NIBAN2: variants seen among roughly 807,000 people sequenced by gnomAD.
The protein encoded by NIBAN2 is protein Niban 2.
A neutral mutation model predicts 81.8 loss-of-function variants in NIBAN2; 36 were observed. That is an observed-to-expected ratio of 0.44 (90% CI 0.34 to 0.58). The LOEUF (loss-of-function observed/expected upper bound fraction) is 0.58, where lower values mean the gene tolerates loss of function less well. Among genes scored for constraint, NIBAN2 ranks in the 20% least tolerant of loss-of-function variants. The pLI is 0.02. For synonymous variants in NIBAN2, 445 were observed against 441.6 expected, an observed-to-expected ratio of 1.01 and a Z score of -0.10; for missense variants, 897 against 1,014.1, an observed-to-expected ratio of 0.88 and a Z score of 1.57.
chr9:127,578,387 C>T (rs1413206104), intron 1 of NIBAN2, among the ~76,000 whole-genome samples: 8 of 148,924 alleles, frequency 5.4e-5, no homozygotes, highest in Non-Finnish European at 8.9e-5. Context: ...AGTGGCCAGG[C>T]GCCATGGCTT....
In NIBAN2 at chr9:127,559,114, G is replaced by A. The variant is rs550296220; in HGVS notation, c.55+9706C>T. ...TACACTCTGGGAAACAAAGATCCAC[G>A]GGCTTTGTAACATGAGCCACAGCAC... On this transcript the variant is annotated intron_variant, in intron 1 of 13. Transcript: ENST00000373312. The surrounding 1 kb of genome is among the most constrained non-coding windows in gnomAD (Gnocchi z 4.0). Among the ~76,000 whole-genome samples, 11 of 152,324 alleles carry A rather than the reference G, an allele frequency of 7.2e-5. No homozygotes were observed. The highest frequency in any genetic ancestry group is 1.0e-4 in the Non-Finnish European group (7 of 68,020).
chr9:127,514,378 T>C (rs1836787868), intron 8 of NIBAN2, among the ~76,000 whole-genome samples: 3 of 152,014 alleles, frequency 2.0e-5, no homozygotes, highest in African/African-American at 4.8e-5. Context: ...CTATTACACA[T>C]TGCATGCCTG....
At chr9:127,512,852 G>T (rs1435070988) in intron 8 of NIBAN2, among the ~76,000 whole-genome samples, 1 of 152,172 alleles carries the variant, frequency 6.6e-6, no homozygotes, top group Non-Finnish European at 1.5e-5. Flanking sequence ...ACACAATCCA[G>T]CAATCCCACT....
intron 1 of NIBAN2, among the ~76,000 whole-genome samples, chr9:127,558,778 C>T (rs1231672284): frequency 6.6e-6 from 1 of 152,186 alleles, no homozygotes; most frequent in Non-Finnish European, 1.5e-5. Flanking sequence ...CCTCTAGATG[C>T]CTGAATCACC....
rs78633697 is a variant in NIBAN2, at chr9:127,552,184, C to G, written c.55+16636G>C. Among the ~76,000 whole-genome samples, 850 of 152,340 alleles carry G rather than the reference C, an allele frequency of 5.6e-3. 16 individuals are homozygous for G. The East Asian group carries it at 0.065, about 12-fold the overall frequency. On this transcript the variant is annotated intron_variant, in intron 1 of 13. Transcript: ENST00000373312. ...AGCACCCCCAGTCCCAGCACACAGC[C>G]TGACACTGAGCAGAGATGGCTCTCA...
chr9:127,529,940 C>T (rs190889566), intron 2 of NIBAN2, among the ~76,000 whole-genome samples: 1 of 152,260 alleles, frequency 6.6e-6, no homozygotes, highest in Non-Finnish European at 1.5e-5. Flanking sequence ...TATTTTTCTA[C>T]AAATAAATAT....
chr9:127,555,781 C>T (rs536055876), intron 1 of NIBAN2, among the ~76,000 whole-genome samples: 1 of 152,330 alleles, frequency 6.6e-6, no homozygotes, highest in East Asian at 1.9e-4. Flanking sequence ...GGAAGAGTGG[C>T]CATTTCTTTA....
chr9:127,507,509 G>A lies in NIBAN2; in HGVS notation c.1655-78C>T. The A allele has an allele frequency of 1.6e-6, 2 of 1,234,594 alleles. No homozygotes were observed. Among genetic ancestry groups the A allele is most frequent in the South Asian group, 1.7e-5 (1 of 60,288 alleles). The allele number at this position is 1,234,594 out of a possible 1,614,324, so 76.5% of individuals were successfully genotyped here. On this transcript the variant is annotated intron_variant, in intron 13 of 13. Coordinates refer to ENST00000373312, the MANE Select transcript of NIBAN2 (RefSeq NM_022833.4). The surrounding 1 kb of genome is among the most constrained non-coding windows in gnomAD (Gnocchi z 6.8). ...CCTGTGCTGGACTCTGCTCAAAGAA[G>A]ACCCGTCTCATCCCGCCTTGGGGGT... is the stretch of plus-strand genomic sequence containing the variant.
In NIBAN2 at chr9:127,516,969, G is replaced by GC. The variant is rs1564297935; in HGVS notation, c.860_861insG (p.Phe287LeufsTer22). ...GCTGCACCTTGGACAGCACCTCCTC[G>GC]AAGCGCGCCTTGGCCTGCTCGTACA... On this transcript the variant is annotated frameshift_variant, in exon 8 of 14. Coordinates refer to ENST00000373312, the MANE Select transcript of NIBAN2 (RefSeq NM_022833.4). LOFTEE classifies it high-confidence loss of function. 1 of 1,614,054 alleles carries GC rather than the reference G, an allele frequency of 6.2e-7. No homozygotes were observed. Among genetic ancestry groups the GC allele is most frequent in the East Asian group, 2.2e-5 (1 of 44,874 alleles).
At chr9:127,520,293 C>T (rs929334413) in intron 5 of NIBAN2, among the ~76,000 whole-genome samples, 6 of 141,366 alleles carry the variant, frequency 4.2e-5, no homozygotes, top group South Asian at 4.8e-4. Flanking sequence ...GGCTGGAGTT[C>T]AGTGGTGCAA....
chr9:127,521,776 G>A (rs1256960413), intron 5 of NIBAN2, among the ~76,000 whole-genome samples: 1 of 152,132 alleles, frequency 6.6e-6, no homozygotes, highest in East Asian at 1.9e-4. Flanking sequence ...CAGCTCTCCT[G>A]GGCCTCCCTC....
chr9:127,540,557 A>T (rs1413074270), intron 1 of NIBAN2, among the ~76,000 whole-genome samples: 1 of 152,184 alleles, frequency 6.6e-6, no homozygotes, highest in African/African-American at 2.4e-5. Flanking sequence ...GCCAGGTGGT[A>T]TTGGTACTGG....
intron 9 of NIBAN2, among the ~76,000 whole-genome samples, chr9:127,509,682 G>A (rs1000860013): frequency 6.6e-6 from 1 of 151,940 alleles, no homozygotes. Context: ...GTCAAGTAAG[G>A]GCAACGGCTG....
rs1836845281 is a variant in NIBAN2, at chr9:127,517,022, G to A, written c.811-3C>T. 6.2e-7 allele frequency: 1 copy of A among 1,613,060 alleles called. No individual in the cohort carries two copies. The highest frequency in any genetic ancestry group is 8.5e-7 in the Non-Finnish European group (1 of 1,179,374). On this transcript the variant is annotated splice_polypyrimidine_tract_variant and splice_region_variant and intron_variant, in intron 7 of 13. Coordinates refer to ENST00000373312, the MANE Select transcript of NIBAN2 (RefSeq NM_022833.4). This position sits in a 1 kb window ranked among gnomAD's most constrained non-coding sequence, Gnocchi z 4.0. ...ATGTGGTACACGGCGTCCGAGATCT[G>A]TGGGCAGAGCAGCTGAATTGGCACC...
rs117101171 is a variant in NIBAN2 at position 127,509,494 on chromosome 9, G to T, written c.1162-363C>A. On this transcript the variant is annotated intron_variant, in intron 9 of 13. Transcript: ENST00000373312. ...GGAGAGAGCTTTCCTGCTCTCCAAG[G>T]TCCTCTCCAGGTCTCAGATTCTGGG... Among the ~76,000 whole-genome samples the T allele has an allele frequency of 9.4e-3, 1,425 of 152,238 alleles. 17 individuals are homozygous for T. The highest frequency in any genetic ancestry group is 0.042 in the East Asian group (215 of 5,174).
intron 2 of NIBAN2, among the ~76,000 whole-genome samples, chr9:127,529,806 G>T (rs1466029018): frequency 6.6e-6 from 1 of 152,036 alleles, no homozygotes; most frequent in African/African-American, 2.4e-5. Flanking sequence ...CCAGTATTAT[G>T]ATGTTATCAT....
chr9:127,575,817 C>T (rs1392954286), intron 1 of NIBAN2, among the ~76,000 whole-genome samples: 5 of 152,168 alleles, frequency 3.3e-5, no homozygotes, highest in African/African-American at 4.8e-5. Flanking sequence ...GCGTGAGCCA[C>T]CGTGCCTGGC....
intron 9 of NIBAN2, 141 bp from the exon 10 acceptor site, chr9:127,509,272 C>T (rs762089782): frequency 1.0e-4 from 79 of 779,806 alleles, no homozygotes; most frequent in Non-Finnish European, 1.5e-4. Flanking sequence ...GTGCTCATGG[C>T]CACAAAGGTA....
At chr9:127,527,365 G>A (rs1020646384) in intron 2 of NIBAN2, 43 bp from the exon 3 acceptor site, 8 of 1,576,610 alleles carry the variant, frequency 5.1e-6, no homozygotes, top group African/African-American at 1.3e-5. Context: ...AGGTCTGGGG[G>A]GGTGGTGCTC....
Sources: gnomAD v4.1 joint callset for allele counts (sites outside exome capture counted in the v4.1 genomes callset) on GRCh38, gnomAD v4.1.1 for gene constraint, Gnocchi (gnomAD v3.1) non-coding constraint, MANE v1.5 for transcripts, NCBI Gene and HGNC (gene_info 2026-07-23, HGNC 2026-07-21) for gene names.